The following PALM2AKAP2 variants were observed in gnomAD, a reference collection of about 807,000 sequenced individuals.
PALM2AKAP2 encodes PALM2-AKAP2 fusion protein.
In PALM2AKAP2, 37 loss-of-function variants were observed where a neutral mutation model predicts 71.5. The ratio of observed to expected loss-of-function variants is 0.52; its 90% CI spans 0.40 to 0.68. The LOEUF is 0.68. PALM2AKAP2 is among the 30% of genes least tolerant of loss of function. The probability of loss-of-function intolerance (pLI) is 0.00; values close to 1 mark genes in which losing one functional copy is unlikely to be tolerated. For synonymous variants in PALM2AKAP2, 468 were observed against 478.8 expected, an observed-to-expected ratio of 0.98 and a Z score of 0.29; for missense variants, 1,224 against 1,191.8, an observed-to-expected ratio of 1.03 and a Z score of -0.40.
chr9:109,961,822 CT>C (rs1293487554), intron 6 of PALM2AKAP2, among the ~76,000 whole-genome samples: 2 of 152,198 alleles, frequency 1.3e-5, no homozygotes, highest in African/African-American at 4.8e-5. Context: ...AAAGCATTTC[CT>C]TTTTTTCTTC....
At chr9:110,048,601 T>C, upstream of PALM2AKAP2, 1 of 1,219,456 alleles carries the variant, frequency 8.2e-7, no homozygotes, top group Non-Finnish European at 1.1e-6. Context: ...GCTGGGCTAC[T>C]GGAGGGGAAG....
chr9:109,829,002 G>A (rs916040602), intron 1 of PALM2AKAP2, among the ~76,000 whole-genome samples: 13 of 152,258 alleles, frequency 8.5e-5, no homozygotes, highest in African/African-American at 3.1e-4. Context: ...AGGTGAGGCA[G>A]AGGAAATATG....
intron 1 of PALM2AKAP2, among the ~76,000 whole-genome samples, chr9:109,762,591 G>A (rs1829072777): frequency 6.6e-6 from 1 of 152,192 alleles, no homozygotes; most frequent in African/African-American, 2.4e-5. Flanking sequence ...CATGGAAGTG[G>A]CATTAATACA....
chr9:109,721,353 G>A (rs747578206), intron 1 of PALM2AKAP2, among the ~76,000 whole-genome samples: 2 of 152,188 alleles, frequency 1.3e-5, no homozygotes, highest in South Asian at 2.1e-4. Context: ...ATCTGAGGTG[G>A]CAGATTCTGA....
chr9:109,954,148 C>T (rs531390440), intron 6 of PALM2AKAP2, among the ~76,000 whole-genome samples: 46 of 151,990 alleles, frequency 3.0e-4, no homozygotes, highest in Non-Finnish European at 5.7e-4. Flanking sequence ...AAAGGATTAA[C>T]AAAATTGCCC....
intron 1 of PALM2AKAP2, among the ~76,000 whole-genome samples, chr9:109,657,156 C>T (rs990844380): frequency 1.3e-5 from 2 of 152,124 alleles, no homozygotes; most frequent in Non-Finnish European, 2.9e-5. Context: ...TGGTCCTAGC[C>T]AAACATTTTG....
intron 1 of PALM2AKAP2, among the ~76,000 whole-genome samples, chr9:109,719,640 TG>T (rs1187702576): frequency 3.3e-5 from 5 of 152,188 alleles, no homozygotes; most frequent in African/African-American, 7.2e-5. Context: ...CATGGATAGT[TG>T]GAGGATCAAA....
chr9:110,055,161 A>T (rs111674474), intron 1 of PALM2AKAP2, among the ~76,000 whole-genome samples: 1 of 137,818 alleles, frequency 7.3e-6, no homozygotes, highest in Non-Finnish European at 1.6e-5. Context: ...CCATAATCCT[A>T]GTTTTTTAGT....
intron 3 of PALM2AKAP2, among the ~76,000 whole-genome samples, chr9:109,900,080 GACA>G (rs1294916077): frequency 6.6e-6 from 1 of 152,148 alleles, no homozygotes; most frequent in African/African-American, 2.4e-5. Context: ...AAGTGCAGAT[GACA>G]TGCCCATGGA....
intron 3 of PALM2AKAP2, among the ~76,000 whole-genome samples, chr9:109,905,403 G>T (rs920415129): frequency 2.0e-5 from 3 of 152,176 alleles, no homozygotes; most frequent in African/African-American, 7.2e-5. Context: ...CACCAGAAAA[G>T]GGCCCCAAAG....
chr9:109,682,936 A>G (rs950289638), intron 1 of PALM2AKAP2, among the ~76,000 whole-genome samples: 15 of 152,158 alleles, frequency 9.9e-5, no homozygotes, highest in African/African-American at 3.6e-4. Flanking sequence ...TGTAATCCCC[A>G]ATGTTGGAGG....
At chr9:109,701,973 A>G (rs1243102445) in intron 1 of PALM2AKAP2, among the ~76,000 whole-genome samples, 1 of 152,266 alleles carries the variant, frequency 6.6e-6, no homozygotes, top group African/African-American at 2.4e-5. Context: ...TTATGCAGCC[A>G]AAAGACACAC....
chr9:109,720,017 C>G (rs898486569), intron 1 of PALM2AKAP2, among the ~76,000 whole-genome samples: 1 of 150,762 alleles, frequency 6.6e-6, no homozygotes, highest in Non-Finnish European at 1.5e-5. Flanking sequence ...GAGATGGAGT[C>G]TCACTCTGTC....
intron 1 of PALM2AKAP2, among the ~76,000 whole-genome samples, chr9:109,818,923 A>C (rs188674833): frequency 6.6e-6 from 1 of 152,258 alleles, no homozygotes. Context: ...TCCAGTTGCC[A>C]TAGAAATGAC....
intron 1 of PALM2AKAP2, among the ~76,000 whole-genome samples, chr9:109,671,959 T>C (rs962793079): frequency 2.6e-5 from 4 of 152,066 alleles, no homozygotes. Flanking sequence ...TATCTTGAGA[T>C]TTTGCTGAAG....
intron 1 of PALM2AKAP2, among the ~76,000 whole-genome samples, chr9:110,087,537 C>G (rs1157842341): frequency 1.3e-5 from 2 of 152,176 alleles, no homozygotes; most frequent in Non-Finnish European, 2.9e-5. Flanking sequence ...GGTTTGGAGG[C>G]TCCTTCAGTT....
intron 1 of PALM2AKAP2, among the ~76,000 whole-genome samples, chr9:109,708,798 G>A (rs951958316): frequency 3.9e-5 from 6 of 152,146 alleles, no homozygotes; most frequent in African/African-American, 9.7e-5. Flanking sequence ...CTGCTTTAGC[G>A]ACACTGGAAA....
At chr9:109,867,526 G>T in exon 2 of PALM2AKAP2, 1 of 1,613,056 alleles carries the variant, frequency 6.2e-7, no homozygotes, top group South Asian at 1.1e-5. Flanking sequence ...TAGAAGGCAA[G>T]CGACAACAGC....
chr9:109,935,438 C>T (rs1831198254), intron 6 of PALM2AKAP2, among the ~76,000 whole-genome samples: 1 of 152,204 alleles, frequency 6.6e-6, no homozygotes, highest in South Asian at 2.1e-4. Context: ...ATTGTCTTAA[C>T]ACCCAAGGCA....
Sources: allele counts gnomAD v4.1 joint callset (sites outside exome capture counted in the v4.1 genomes callset), GRCh38; gene constraint gnomAD v4.1.1; transcripts MANE v1.5; gene names NCBI Gene and HGNC (gene_info 2026-07-23, HGNC 2026-07-21).